Variants in PITPNC1 observed in about 807,000 individuals in gnomAD.
PITPNC1 encodes cytoplasmic phosphatidylinositol transfer protein 1.
In PITPNC1, 18 loss-of-function variants were observed where a neutral mutation model predicts 44.7. The ratio of observed to expected loss-of-function variants is 0.40; its 90% CI spans 0.28 to 0.60. The LOEUF is 0.60. Among genes scored for constraint, PITPNC1 ranks in the 20% least tolerant of loss-of-function variants. PITPNC1 has a pLI of 0.39. For missense variants in PITPNC1, 290 were observed against 418.4 expected, an observed-to-expected ratio of 0.69 and a Z score of 2.68; for synonymous variants, 141 against 149.6, an observed-to-expected ratio of 0.94 and a Z score of 0.42.
At chr17:67,388,457 G>C (rs959146371) in intron 1 of PITPNC1, among the ~76,000 whole-genome samples, 1 of 151,598 alleles carries the variant, frequency 6.6e-6, no homozygotes, top group African/African-American at 2.4e-5. Flanking sequence ...GAGTAGCTGG[G>C]ATTACAGGTG....
At chr17:67,544,653 C>T (rs1301533293) in intron 2 of PITPNC1, among the ~76,000 whole-genome samples, 1 of 152,250 alleles carries the variant, frequency 6.6e-6, no homozygotes, top group Non-Finnish European at 1.5e-5. Context: ...CTCCTGGCCT[C>T]TGATGGCTTT....
At chr17:67,635,495 C>T (rs529782406) in intron 6 of PITPNC1, among the ~76,000 whole-genome samples, 1 of 152,196 alleles carries the variant, frequency 6.6e-6, no homozygotes, top group East Asian at 1.9e-4. Context: ...AGTGAGGCAT[C>T]TAACACAGAC....
At chr17:67,560,163 G>A (rs750702467) in intron 4 of PITPNC1, among the ~76,000 whole-genome samples, 10 of 152,176 alleles carry the variant, frequency 6.6e-5, no homozygotes, top group East Asian at 3.8e-4. Flanking sequence ...GGCATGCAAC[G>A]TTTCCCGAGC....
intron 5 of PITPNC1, among the ~76,000 whole-genome samples, chr17:67,631,013 G>A (rs573006610): frequency 1.1e-4 from 17 of 150,822 alleles, no homozygotes; most frequent in African/African-American, 3.4e-4. Flanking sequence ...AGCCCAGGCC[G>A]ACATTTATAT....
chr17:67,425,577 A>G (rs948239618), intron 1 of PITPNC1, among the ~76,000 whole-genome samples: 18 of 148,118 alleles, frequency 1.2e-4, no homozygotes, highest in Admixed American at 4.8e-4. Flanking sequence ...GCTGGAGTGC[A>G]GTGGCGCAAT....
At chr17:67,611,162 C>G (rs2144293389) in intron 5 of PITPNC1, 1 of 152,216 alleles carries the variant, frequency 6.6e-6, no homozygotes. Context: ...GTATGAGATA[C>G]TAGAAGAAGG....
chr17:67,628,172 G>A (rs2041918554), intron 5 of PITPNC1, among the ~76,000 whole-genome samples: 1 of 151,930 alleles, frequency 6.6e-6, no homozygotes. Flanking sequence ...CTAAGTGCTG[G>A]GATTACAGGT....
At chr17:67,628,527 G>C (rs1200588852) in intron 5 of PITPNC1, among the ~76,000 whole-genome samples, 5 of 152,216 alleles carry the variant, frequency 3.3e-5, no homozygotes, top group African/African-American at 1.2e-4. Context: ...GGACAAACTT[G>C]GCAGGGGCCT....
chr17:67,523,695 T>C (rs1312607663), intron 1 of PITPNC1, among the ~76,000 whole-genome samples: 1 of 151,600 alleles, frequency 6.6e-6, no homozygotes, highest in African/African-American at 2.4e-5. Context: ...TGAACAATTA[T>C]CACGTCTCTG....
intron 1 of PITPNC1, among the ~76,000 whole-genome samples, chr17:67,458,967 G>T (rs545294381): frequency 3.1e-4 from 47 of 151,994 alleles, no homozygotes; most frequent in African/African-American, 1.1e-3. Flanking sequence ...CAGGGGAGAG[G>T]TTTTTTTCAC....
intron 1 of PITPNC1, among the ~76,000 whole-genome samples, chr17:67,515,184 G>A (rs1448888279): frequency 1.3e-5 from 2 of 152,166 alleles, no homozygotes; most frequent in African/African-American, 4.8e-5. Flanking sequence ...TTTACAATAT[G>A]TCAGTATGCA....
At chr17:67,466,188 A>ATGGTGGGG (rs1272004493) in intron 1 of PITPNC1, among the ~76,000 whole-genome samples, 2 of 6,364 alleles carry the variant, frequency 3.1e-4, no homozygotes, top group Admixed American at 3.8e-3. Flanking sequence ...TTCTGTAGAG[A>ATGGTGGGG]TGGTGGGGTG....
intron 1 of PITPNC1, among the ~76,000 whole-genome samples, chr17:67,511,222 T>C (rs1330049347): frequency 6.6e-6 from 1 of 152,212 alleles, no homozygotes; most frequent in South Asian, 2.1e-4. Context: ...TGTTTGGATG[T>C]ACCATGATTT....
chr17:67,620,596 CT>C (rs2041816958), intron 5 of PITPNC1, among the ~76,000 whole-genome samples: 1 of 152,204 alleles, frequency 6.6e-6, no homozygotes, highest in African/African-American at 2.4e-5. Flanking sequence ...AAACCTTTGC[CT>C]TCAGTTTGCT....
chr17:67,654,360 T>A (rs1196709996), intron 6 of PITPNC1, among the ~76,000 whole-genome samples: 1 of 152,210 alleles, frequency 6.6e-6, no homozygotes, highest in Non-Finnish European at 1.5e-5. Flanking sequence ...TATTTTTTAT[T>A]TGAGATGATC....
At chr17:67,429,899 T>C (rs150545302) in intron 1 of PITPNC1, among the ~76,000 whole-genome samples, 2,092 of 152,350 alleles carry the variant, frequency 0.014, 24 homozygotes, top group Middle Eastern at 0.041. Context: ...TAAATTTAGC[T>C]TTCTGAAAAC....
At chr17:67,391,978 C>T (rs1832794010) in intron 1 of PITPNC1, among the ~76,000 whole-genome samples, 1 of 152,158 alleles carries the variant, frequency 6.6e-6, no homozygotes, top group Non-Finnish European at 1.5e-5. Context: ...TCATATTCCT[C>T]TTCGAAAATA....
At position 67,675,224 on chromosome 17, in the gene PITPNC1, T is replaced by C. The variant is rs896563780; in HGVS notation, c.619-255T>C. Among the ~76,000 whole-genome samples, 7 of 151,884 alleles carry C rather than the reference T, an allele frequency of 4.6e-5. No homozygotes were observed. In the East Asian group the frequency reaches 1.4e-3, roughly 29 times the overall value. On this transcript the variant is annotated intron_variant, in intron 7 of 8. Coordinates refer to ENST00000581322, the MANE Select transcript of PITPNC1 (RefSeq NM_012417.4). ...TGACTGTCAAGTATTTGTCATTAGTTTGTACACACACCCAGCCCTACTCTC... is the reference window on the plus strand; with the variant it reads ...TGACTGTCAAGTATTTGTCATTAGTCTGTACACACACCCAGCCCTACTCTC...
chr17:67,485,459 G>T (rs989123608), intron 1 of PITPNC1, among the ~76,000 whole-genome samples: 1 of 150,616 alleles, frequency 6.6e-6, no homozygotes, highest in Admixed American at 6.6e-5. Context: ...CCGCCTCCTG[G>T]ATTCAGGCGA....
Sources: gnomAD v4.1 joint callset for allele counts (sites outside exome capture counted in the v4.1 genomes callset) on GRCh38, gnomAD v4.1.1 for gene constraint, MANE v1.5 for transcripts, NCBI Gene and HGNC (gene_info 2026-07-23, HGNC 2026-07-21) for gene names.